Variants in SYNPR observed in about 807,000 individuals in gnomAD.
The protein encoded by SYNPR is synaptoporin.
SYNPR carries 23 observed loss-of-function variants against 32.9 expected under a neutral mutation model. That is an observed-to-expected ratio of 0.70 (90% CI 0.50 to 0.99). SYNPR has a LOEUF of 0.99. Among genes scored for constraint, SYNPR ranks in the 50% least tolerant of loss-of-function variants. The pLI is 0.00. For missense variants in SYNPR, 318 were observed against 349.3 expected (o/e 0.91, Z 0.71); for synonymous variants, 146 against 135.9 (o/e 1.07, Z -0.52).
rs536171873 is a variant in SYNPR, at chr3:63,308,992, T to C, written c.84+30250T>C. Among the ~76,000 whole-genome samples, 103 of 152,140 alleles carry C rather than the reference T, an allele frequency of 6.8e-4. 1 individual carries two copies. Among genetic ancestry groups the C allele is most frequent in the African/African-American group, 2.4e-3 (98 of 41,568 alleles). On this transcript the variant is annotated intron_variant, in intron 2 of 5. Coordinates refer to ENST00000478300, the MANE Select transcript of SYNPR (RefSeq NM_001130003.2). Reference sequence around the variant, plus strand: ...CTTCAGTTTCTCATAATTAGGCTTCTTGAATTGGTCCCACAGATCACTGAT... The same window carrying C: ...CTTCAGTTTCTCATAATTAGGCTTCCTGAATTGGTCCCACAGATCACTGAT...
chr3:63,564,750 A>G (rs1702753157), intron 4 of SYNPR, among the ~76,000 whole-genome samples: 1 of 152,182 alleles, frequency 6.6e-6, no homozygotes, highest in Non-Finnish European at 1.5e-5. Context: ...CTTTTTAACG[A>G]TTAGTGAATT....
At chr3:63,568,323 C>G (rs1044453689) in intron 4 of SYNPR, among the ~76,000 whole-genome samples, 1 of 152,082 alleles carries the variant, frequency 6.6e-6, no homozygotes, top group Non-Finnish European at 1.5e-5. Context: ...TGCTCTTCAC[C>G]ACAGTGCTGT....
intron 2 of SYNPR, among the ~76,000 whole-genome samples, chr3:63,426,193 T>C (rs1699890179): frequency 6.6e-6 from 1 of 152,176 alleles, no homozygotes; most frequent in South Asian, 2.1e-4. Flanking sequence ...AGAAGCTGAG[T>C]GATTTTCCAA....
At chr3:63,398,962 C>G (rs2088254128) in intron 2 of SYNPR, among the ~76,000 whole-genome samples, 1 of 152,068 alleles carries the variant, frequency 6.6e-6, no homozygotes, top group African/African-American at 2.4e-5. Context: ...CTGACTTAAG[C>G]AGAAGGACAG....
intron 4 of SYNPR, among the ~76,000 whole-genome samples, chr3:63,596,929 A>G (rs1847729): frequency 0.39 from 59,577 of 152,028 alleles, 11,989 homozygotes; most frequent in South Asian, 0.49. Context: ...GTTATTATGA[A>G]TTAAGATGTA....
At chr3:63,329,953 G>A (rs1163384610) in intron 2 of SYNPR, 1 of 152,126 alleles carries the variant, frequency 6.6e-6, no homozygotes, top group African/African-American at 2.4e-5. Context: ...CTGATATCAG[G>A]TTGTGTACAG....
At chr3:63,380,282 A>G (rs928034697) in intron 2 of SYNPR, among the ~76,000 whole-genome samples, 4 of 152,122 alleles carry the variant, frequency 2.6e-5, no homozygotes, top group African/African-American at 7.2e-5. Context: ...CACAATGGTT[A>G]AACTAGTTTA....
chr3:63,290,334 G>A (rs1431340389), intron 2 of SYNPR, among the ~76,000 whole-genome samples: 1 of 152,090 alleles, frequency 6.6e-6, no homozygotes, highest in South Asian at 2.1e-4. Flanking sequence ...CCTAGGTCTT[G>A]GAGCTAAATG....
intron 5 of SYNPR, among the ~76,000 whole-genome samples, chr3:63,613,891 G>T (rs1482554524): frequency 2.0e-5 from 3 of 152,136 alleles, no homozygotes; most frequent in Non-Finnish European, 4.4e-5. Flanking sequence ...ACAGTCCCCA[G>T]GGTGCCTTTG....
intron 2 of SYNPR, among the ~76,000 whole-genome samples, chr3:63,419,379 T>G (rs952926833): frequency 6.6e-6 from 1 of 152,144 alleles, no homozygotes; most frequent in African/African-American, 2.4e-5. Flanking sequence ...TACTTAGAGT[T>G]GGAAAGCATG....
chr3:63,556,148 G>C (rs1236776278), intron 3 of SYNPR, among the ~76,000 whole-genome samples: 1 of 152,214 alleles, frequency 6.6e-6, no homozygotes, highest in Non-Finnish European at 1.5e-5. Flanking sequence ...GGGTGATGGA[G>C]GACAGAGCAG....
intron 3 of SYNPR, among the ~76,000 whole-genome samples, chr3:63,550,356 C>A (rs1010123462): frequency 2.6e-5 from 4 of 151,446 alleles, no homozygotes; most frequent in South Asian, 2.1e-4. Flanking sequence ...TATAGATACA[C>A]AAATATATAT....
intron 3 of SYNPR, among the ~76,000 whole-genome samples, chr3:63,533,084 A>G (rs1486319438): frequency 1.3e-5 from 2 of 152,056 alleles, no homozygotes; most frequent in Non-Finnish European, 2.9e-5. Flanking sequence ...CATTACCGTT[A>G]TTTCTGTGAT....
At chr3:63,265,741 C>G (rs879284434) in intron 2 of SYNPR, among the ~76,000 whole-genome samples, 93 of 152,166 alleles carry the variant, frequency 6.1e-4, no homozygotes, top group Non-Finnish European at 6.8e-4. Flanking sequence ...AAAATTTATT[C>G]ATCACTAGAC....
At chr3:63,493,882 C>A (rs1317424024) in intron 3 of SYNPR, among the ~76,000 whole-genome samples, 1 of 149,990 alleles carries the variant, frequency 6.7e-6, no homozygotes, top group Non-Finnish European at 1.5e-5. Context: ...TAATCAGTAT[C>A]TGGGTGAAGC....
chr3:63,227,719 G>A (rs974658806), upstream of SYNPR, among the ~76,000 whole-genome samples: 6 of 152,124 alleles, frequency 3.9e-5, no homozygotes, highest in African/African-American at 7.2e-5. Flanking sequence ...GGTAAAATGC[G>A]CATGCAAGCT....
intron 3 of SYNPR, among the ~76,000 whole-genome samples, chr3:63,521,427 C>A (rs1018416763): frequency 6.6e-6 from 1 of 152,190 alleles, no homozygotes; most frequent in Non-Finnish European, 1.5e-5. Flanking sequence ...TTACTGAGTG[C>A]GTGCTGAGTA....
chr3:63,308,077 A>T (rs1365852347), intron 2 of SYNPR, among the ~76,000 whole-genome samples: 1 of 152,078 alleles, frequency 6.6e-6, no homozygotes, highest in Non-Finnish European at 1.5e-5. Flanking sequence ...GGTATGAATT[A>T]AATACAAGAA....
intron 4 of SYNPR, among the ~76,000 whole-genome samples, chr3:63,576,864 A>T (rs1279725140): frequency 6.6e-6 from 1 of 152,104 alleles, no homozygotes; most frequent in African/African-American, 2.4e-5. Flanking sequence ...CTTCCCAATC[A>T]TTAGTAAACA....
Sources: allele counts gnomAD v4.1 joint callset (sites outside exome capture counted in the v4.1 genomes callset), GRCh38; gene constraint gnomAD v4.1.1; transcripts MANE v1.5; gene names NCBI Gene and HGNC (gene_info 2026-07-23, HGNC 2026-07-21).